CRACR2A: variants seen among roughly 807,000 people sequenced by gnomAD.
CRACR2A encodes the protein calcium release activated channel regulator 2A, also known as EF-hand calcium-binding domain-containing protein 4B.
Under a neutral mutation model 90.5 loss-of-function variants are expected in CRACR2A, and 79 were observed. That is an observed-to-expected ratio of 0.87 (90% CI 0.73 to 1.05). The LOEUF (loss-of-function observed/expected upper bound fraction) is 1.05. CRACR2A is among the 50% of genes least tolerant of loss of function. The pLI, the probability that CRACR2A is intolerant of heterozygous loss-of-function variation, is 0.00. For synonymous variants in CRACR2A, 338 were observed against 356.7 expected (o/e 0.95, Z 0.59); for missense variants, 823 against 897.2 (o/e 0.92, Z 1.06).
intron 4 of CRACR2A, among the ~76,000 whole-genome samples, chr12:3,688,192 AT>A (rs1945598181): frequency 6.6e-6 from 1 of 152,126 alleles, no homozygotes; most frequent in African/African-American, 2.4e-5. Flanking sequence ...CTTTAGTTTA[AT>A]TAGATTCCAT....
intron 6 of CRACR2A, among the ~76,000 whole-genome samples, chr12:3,673,969 G>A (rs943051729): frequency 1.1e-4 from 16 of 152,112 alleles, no homozygotes; most frequent in Admixed American, 5.2e-4. Context: ...CTGTTCTCCC[G>A]TGGCCTTCAC....
At chr12:3,654,901 C>G (rs1030105148) in intron 9 of CRACR2A, among the ~76,000 whole-genome samples, 1 of 152,196 alleles carries the variant, frequency 6.6e-6, no homozygotes, top group Admixed American at 6.5e-5. Flanking sequence ...TCTAGAGAAG[C>G]TTTTAAGGGT....
rs752217213 is a variant in CRACR2A at position 3,638,325 on chromosome 12, C to G, written c.1401G>C (p.Pro467=). ...CTTCAACGGAGATGATTCTGCGGAG[C>G]GGCCGGGGGTACGGACCCCCAGGCC... ...EPGPGGPYPR[P]LRRIISVEED... The change falls in exon 14 of 20, where the codon CCG becomes CCC. Residue 467 remains proline, a synonymous_variant. Coordinates refer to ENST00000440314, the MANE Select transcript of CRACR2A (RefSeq NM_001144958.2). 6.4e-7 allele frequency: 1 copy of G among 1,551,186 alleles called. No individual in the cohort carries two copies. The highest frequency in any genetic ancestry group is 2.4e-5 in the East Asian group (1 of 40,914).
In CRACR2A at chr12:3,740,459, G is replaced by A. The variant is rs1946507416; in HGVS notation, c.-386-7249C>T. Among the ~76,000 whole-genome samples the A allele has an allele frequency of 3.9e-5, 6 of 152,106 alleles. No individual in the cohort carries two copies. The South Asian group carries it at 1.2e-3, about 32-fold the overall frequency. On this transcript the variant is annotated intron_variant, in intron 1 of 19. Transcript: ENST00000440314. ...GGGGTGGCGTCCTTACTCGGCATTT[G>A]CAACTTACATGTCCTTGGGCAAGCC...
chr12:3,630,934 G>T (rs1234154669), intron 15 of CRACR2A, among the ~76,000 whole-genome samples: 1 of 152,222 alleles, frequency 6.6e-6, no homozygotes, highest in Non-Finnish European at 1.5e-5. Context: ...ATGGAGGTGA[G>T]CTGGAAGAAC....
At position 3,680,111 on chromosome 12, in the gene CRACR2A, G is replaced by C. The variant is rs553801160; in HGVS notation, c.340+127C>G. On this transcript the variant is annotated intron_variant, in intron 5 of 19. Transcript: ENST00000440314. ...TAGAGCCTGGAGACCTTGAGCTCCA[G>C]GTCCCTGAAAGGAGGGCAGGAAAGC... The C allele has an allele frequency of 1.9e-4, 128 of 686,824 alleles. No homozygotes were observed. In the East Asian group the frequency reaches 3.4e-3, roughly 18 times the overall value. The allele number at this position is 686,824 out of a possible 1,614,324, so 42.5% of individuals were successfully genotyped here. A position where few individuals can be genotyped will look rare whatever the true frequency, so the allele number is the denominator to read the frequency against.
At chr12:3,712,377 C>G (rs777573571) in intron 3 of CRACR2A, among the ~76,000 whole-genome samples, 1 of 152,180 alleles carries the variant, frequency 6.6e-6, no homozygotes, top group African/African-American at 2.4e-5. Context: ...AAGCATGGTG[C>G]GAACATCTGC....
At chr12:3,675,139 C>A (rs1945315381) in intron 6 of CRACR2A, among the ~76,000 whole-genome samples, 1 of 152,142 alleles carries the variant, frequency 6.6e-6, no homozygotes, top group Non-Finnish European at 1.5e-5. Flanking sequence ...CCAACAGATT[C>A]CTGTTGGCTC....
chr12:3,656,228 G>T, intron 9 of CRACR2A, 83 bp downstream of exon 9: 1 of 1,356,782 alleles, frequency 7.4e-7, no homozygotes, highest in Non-Finnish European at 1.1e-6. Context: ...GTCCTTAAGT[G>T]AATGGCAGGG....
intron 11 of CRACR2A, among the ~76,000 whole-genome samples, chr12:3,644,868 G>A (rs183694878): frequency 3.0e-4 from 45 of 152,248 alleles, no homozygotes; most frequent in East Asian, 1.4e-3. Context: ...TGAGACACCC[G>A]TGGCCCATCA....
Position 3,687,925 on chromosome 12 carries a change from C to T in CRACR2A, c.229-7576G>A, listed in dbSNP as rs920056176. Among the ~76,000 whole-genome samples the T allele has an allele frequency of 2.0e-5, 3 of 152,102 alleles. No homozygotes were observed. In the East Asian group the frequency reaches 5.8e-4, roughly 29 times the overall value. On this transcript the variant is annotated intron_variant, in intron 4 of 19. Transcript: ENST00000440314. Reference sequence around the variant, plus strand: ...GGTATCTCATTGTGGTTTTGATTTGCGTTTCTCTAGTGATCAGTGATGACC... The same window carrying T: ...GGTATCTCATTGTGGTTTTGATTTGTGTTTCTCTAGTGATCAGTGATGACC...
At chr12:3,644,455 G>A in intron 12 of CRACR2A, 140 bp downstream of exon 12, 1 of 874,190 alleles carries the variant, frequency 1.1e-6, no homozygotes, top group Non-Finnish European at 1.8e-6. Context: ...TTTATTATTT[G>A]CAAAACGTTT....
At chr12:3,650,629 T>C (rs1346136306) in intron 10 of CRACR2A, among the ~76,000 whole-genome samples, 2 of 151,900 alleles carry the variant, frequency 1.3e-5, no homozygotes, top group Non-Finnish European at 2.9e-5. Flanking sequence ...TGCTTTAGGG[T>C]CCCCCCACCC....
At chr12:3,635,844 C>T (rs1944445239) in intron 14 of CRACR2A, among the ~76,000 whole-genome samples, 1 of 152,174 alleles carries the variant, frequency 6.6e-6, no homozygotes, top group South Asian at 2.1e-4. Flanking sequence ...GGGATTACCA[C>T]CATTTTACCA....
intron 11 of CRACR2A, among the ~76,000 whole-genome samples, chr12:3,646,715 C>A (rs920081112): frequency 6.6e-6 from 1 of 152,158 alleles, no homozygotes; most frequent in Non-Finnish European, 1.5e-5. Flanking sequence ...TGAGTTAGCA[C>A]CCTTGCACAT....
chr12:3,618,655 A>G (rs1240712012), intron 18 of CRACR2A, among the ~76,000 whole-genome samples: 1 of 152,164 alleles, frequency 6.6e-6, no homozygotes, highest in Non-Finnish European at 1.5e-5. Context: ...AAGCACCCCA[A>G]CCTCCCAGAC....
intron 14 of CRACR2A, among the ~76,000 whole-genome samples, chr12:3,636,876 C>T (rs1440515481): frequency 1.6e-5 from 2 of 128,378 alleles, no homozygotes; most frequent in Non-Finnish European, 3.2e-5. Flanking sequence ...GTAGCTCACA[C>T]CCTACTGCAG....
At chr12:3,691,502 G>T (rs11524964) in intron 4 of CRACR2A, among the ~76,000 whole-genome samples, 1 of 152,078 alleles carries the variant, frequency 6.6e-6, no homozygotes, top group African/African-American at 2.4e-5. Context: ...GGTTTCTACC[G>T]AGAAGTCTGC....
At chr12:3,658,790 C>T (rs921986135) in intron 8 of CRACR2A, among the ~76,000 whole-genome samples, 20 of 151,234 alleles carry the variant, frequency 1.3e-4, no homozygotes, top group Non-Finnish European at 1.0e-4. Flanking sequence ...GTAGATAGTC[C>T]AAAAATGGGT....
Sources: allele counts gnomAD v4.1 joint callset (sites outside exome capture counted in the v4.1 genomes callset), GRCh38; gene constraint gnomAD v4.1.1; transcripts MANE v1.5; gene names NCBI Gene and HGNC (gene_info 2026-07-23, HGNC 2026-07-21).